HCRTR2: variants seen among roughly 807,000 people sequenced by gnomAD.
HCRTR2 encodes orexin receptor type 2.
HCRTR2 carries 22 observed loss-of-function variants against 49.0 expected under a neutral mutation model. That is an observed-to-expected ratio of 0.45 (90% CI 0.32 to 0.64). The LOEUF is 0.64. Among genes scored for constraint, HCRTR2 ranks in the 30% least tolerant of loss-of-function variants. HCRTR2 has a pLI of 0.04. For synonymous variants in HCRTR2, 236 were observed against 205.3 expected (o/e 1.15, Z -1.28); for missense variants, 491 against 559.4 (o/e 0.88, Z 1.23).
chr6:55,239,196 C>A (rs148594135), intron 1 of HCRTR2, among the ~76,000 whole-genome samples: 409 of 152,284 alleles, frequency 2.7e-3, no homozygotes, highest in Non-Finnish European at 4.8e-3. Context: ...GACTATGGAA[C>A]CTTCCGTCTT....
chr6:55,269,342 G>C (rs1766926843), intron 4 of HCRTR2, among the ~76,000 whole-genome samples: 1 of 151,608 alleles, frequency 6.6e-6, no homozygotes. Context: ...TTCTTTTCAG[G>C]GCAAACAGGC....
In HCRTR2 at chr6:55,191,775, T is replaced by TA. The variant is rs78046670; in HGVS notation, c.223+16965_223+16966insA. ...TCTACACTAAGAGTTTAGAAATGCA[T>TA]TTTTTTTTCACAGAAATATCCTTAA... On this transcript the variant is annotated intron_variant, in intron 1 of 6. Transcript: ENST00000370862. Among the ~76,000 whole-genome samples the TA allele has an allele frequency of 5.4e-3, 504 of 92,784 alleles. 2 individuals are homozygous for TA. Among genetic ancestry groups the TA allele is most frequent in the Non-Finnish European group, 8.3e-3 (372 of 44,814 alleles). The allele number at this position is 92,784 out of a possible 152,430, so 60.9% of individuals were successfully genotyped here.
chr6:55,243,593 A>G (rs1054475720), intron 1 of HCRTR2, among the ~76,000 whole-genome samples: 1 of 152,170 alleles, frequency 6.6e-6, no homozygotes, highest in Admixed American at 6.5e-5. Flanking sequence ...TCATCGGAAA[A>G]TATACCATAC....
At position 55,280,418 on chromosome 6, in the gene HCRTR2, A is replaced by T. The variant is rs1562032675; in HGVS notation, c.1079A>T (p.Asn360Ile). ...CTTGTATATGCCAATAGTGCTGCGA[A>T]TCCAATTATTTATAATTTTCTCAGT... ...HWLVYANSAA[N>I]PIIYNFLSGK... is the part of the protein sequence containing the mutation. The change falls in exon 6 of 7, where the codon AAT becomes ATT. Residue 360 changes from asparagine (N) to isoleucine (I), a missense_variant. Asn to Ile is a moderately radical substitution (Grantham distance 149, BLOSUM62 -3). Transcript: ENST00000370862. The T allele has an allele frequency of 6.2e-7, 1 of 1,612,542 alleles. No individual in the cohort carries two copies. Among genetic ancestry groups the T allele is most frequent in the Admixed American group, 1.7e-5 (1 of 59,966 alleles).
intron 1 of HCRTR2, among the ~76,000 whole-genome samples, chr6:55,222,853 C>G (rs569058943): frequency 4.3e-4 from 66 of 152,212 alleles, no homozygotes; most frequent in African/African-American, 1.5e-3. Flanking sequence ...CTCTAAAGAT[C>G]TGATGTACAA....
At chr6:55,113,722 T>A (rs1288859045) in intron 1 of HCRTR2, among the ~76,000 whole-genome samples, 1 of 151,956 alleles carries the variant, frequency 6.6e-6, no homozygotes, top group Non-Finnish European at 1.5e-5. Context: ...ACAACCACTA[T>A]GGAAAACAGT....
At chr6:55,205,126 C>G (rs1219733793) in intron 1 of HCRTR2, among the ~76,000 whole-genome samples, 14 of 151,990 alleles carry the variant, frequency 9.2e-5, no homozygotes, top group Non-Finnish European at 5.9e-5. Flanking sequence ...ATTCGATAAC[C>G]AAGTAAAGAA....
At chr6:55,284,009 C>G (rs1005574269), downstream of HCRTR2, among the ~76,000 whole-genome samples, 2 of 152,134 alleles carry the variant, frequency 1.3e-5, no homozygotes, top group African/African-American at 4.8e-5. Context: ...TCTCCTTTCT[C>G]CCCTTTGTAT....
chr6:55,196,136 C>T (rs1246359794), intron 1 of HCRTR2, among the ~76,000 whole-genome samples: 3 of 152,134 alleles, frequency 2.0e-5, no homozygotes, highest in African/African-American at 4.8e-5. Flanking sequence ...GTCTTCCCAA[C>T]AACTACACTC....
At chr6:55,132,847 A>G (rs1258434733) in intron 1 of HCRTR2, among the ~76,000 whole-genome samples, 1 of 151,098 alleles carries the variant, frequency 6.6e-6, no homozygotes, top group Non-Finnish European at 1.5e-5. Flanking sequence ...GTTGATCTTC[A>G]TGAATCATTC....
At chr6:55,196,107 G>A (rs1765404988) in intron 1 of HCRTR2, among the ~76,000 whole-genome samples, 1 of 152,112 alleles carries the variant, frequency 6.6e-6, no homozygotes, top group African/African-American at 2.4e-5. Flanking sequence ...ATTAATACTT[G>A]TCGATCATTG....
Position 55,141,035 on chromosome 6 carries a change from CT to C in HCRTR2, c.-377-33175del, listed in dbSNP as rs375633523. Among the ~76,000 whole-genome samples the C allele has an allele frequency of 4.5e-3, 681 of 152,128 alleles. 2 individuals are homozygous for C. The highest frequency in any genetic ancestry group is 0.015 in the African/African-American group (638 of 41,518). On this transcript the variant is annotated intron_variant, in intron 1 of 7. Coordinates refer to the HCRTR2 transcript ENST00000615358. The stretch of plus-strand genomic sequence containing the variant: ...CATATATCAAGTGACAGACAATGTC[CT>C]AGAAAAATGTGTTAGAGGCCGGGTG...
chr6:55,243,037 T>A lies in HCRTR2; in HGVS notation c.224-5602T>A, dbSNP rs142562251. On this transcript the variant is annotated intron_variant, in intron 1 of 6. Coordinates refer to ENST00000370862, the MANE Select transcript of HCRTR2 (RefSeq NM_001384272.1). ...CATGCAGCTTGAGCCACTTTCCATGTCTTACGGAGAATGTGCAGGAGCTAT... is the reference window on the plus strand; with the variant it reads ...CATGCAGCTTGAGCCACTTTCCATGACTTACGGAGAATGTGCAGGAGCTAT... Among the ~76,000 whole-genome samples, 8 of 151,894 alleles carry A rather than the reference T, an allele frequency of 5.3e-5. No homozygotes were observed. In the East Asian group the frequency reaches 1.5e-3, roughly 29 times the overall value.
intron 1 of HCRTR2, among the ~76,000 whole-genome samples, chr6:55,149,786 G>A (rs573884891): frequency 1.3e-5 from 2 of 152,068 alleles, no homozygotes; most frequent in East Asian, 3.9e-4. Context: ...AAAATGTGAA[G>A]ACCTACTCTC....
intron 1 of HCRTR2, among the ~76,000 whole-genome samples, chr6:55,154,122 GA>G (rs1764699626): frequency 6.6e-6 from 1 of 151,932 alleles, no homozygotes; most frequent in East Asian, 1.9e-4. Context: ...CAAGGAGACT[GA>G]GTAAATAATC....
intron 1 of HCRTR2, among the ~76,000 whole-genome samples, chr6:55,247,052 A>T (rs1036039444): frequency 2.0e-5 from 3 of 152,084 alleles, no homozygotes; most frequent in African/African-American, 7.2e-5. Flanking sequence ...CAATTTATTG[A>T]CCAAGTACCA....
At chr6:55,131,800 T>C (rs1360022477) in intron 1 of HCRTR2, among the ~76,000 whole-genome samples, 1 of 79,966 alleles carries the variant, frequency 1.3e-5, no homozygotes, top group Non-Finnish European at 3.5e-5. Flanking sequence ...ATTTACTCTT[T>C]AAGTATTTGT....
chr6:55,268,045 T>C (rs946770099), intron 4 of HCRTR2, among the ~76,000 whole-genome samples: 7 of 152,176 alleles, frequency 4.6e-5, no homozygotes, highest in African/African-American at 1.7e-4. Flanking sequence ...TATACAGATG[T>C]AGTTCAAAAA....
intron 1 of HCRTR2, among the ~76,000 whole-genome samples, chr6:55,188,625 C>T (rs1765264963): frequency 1.3e-5 from 2 of 152,134 alleles, no homozygotes; most frequent in South Asian, 4.1e-4. Context: ...TTTCATTCAG[C>T]AAATATTTAT....
Sources: gnomAD v4.1 joint callset for allele counts (sites outside exome capture counted in the v4.1 genomes callset) on GRCh38, gnomAD v4.1.1 for gene constraint, MANE v1.5 for transcripts, NCBI Gene and HGNC (gene_info 2026-07-23, HGNC 2026-07-21) for gene names.